CNGB3: variants seen among roughly 807,000 people sequenced by gnomAD.
The protein encoded by CNGB3 is cyclic nucleotide-gated channel beta-3.
Under a neutral mutation model 92.8 loss-of-function variants are expected in CNGB3, and 86 were observed. The observed-to-expected ratio is 0.93, with a 90% CI of 0.78 to 1.11. CNGB3 has a LOEUF of 1.11. CNGB3 is among the 50% of genes least tolerant of loss of function. The pLI is 0.00. For missense variants in CNGB3, 1,026 were observed against 956.8 expected (o/e 1.07, Z -0.95); for synonymous variants, 333 against 332.7 (o/e 1.00, Z -0.01).
intron 13 of CNGB3, among the ~76,000 whole-genome samples, chr8:86,623,906 G>A (rs1372294444): frequency 2.6e-5 from 4 of 151,710 alleles, no homozygotes; most frequent in African/African-American, 7.3e-5. Flanking sequence ...CCAATATTTC[G>A]CCACTTCTCA....
Position 86,579,127 on chromosome 8 carries a change from C to T in CNGB3, c.1907G>A (p.Arg636Lys). The T allele has an allele frequency of 6.2e-7, 1 of 1,614,120 alleles. No homozygotes were observed. The highest frequency in any genetic ancestry group is 2.2e-5 in the East Asian group (1 of 44,870). ...GTACCTGGCTTTCTTCATGAGGATC[C>T]TTTCAGAATCTGGATAATGCACTAG... ...EILVHYPDSE[R>K]ILMKKARVLL... The change falls in exon 16 of 18, where the codon AGG becomes AAG. Residue 636 changes from arginine to lysine, a missense_variant. Coordinates refer to ENST00000320005, the MANE Select transcript of CNGB3 (RefSeq NM_019098.5).
intron 3 of CNGB3, among the ~76,000 whole-genome samples, chr8:86,721,919 G>A (rs73274899): frequency 0.043 from 6,590 of 152,174 alleles, 189 homozygotes; most frequent in East Asian, 0.13. Context: ...ATAAGATTCT[G>A]AATTCTATTC....
At chr8:86,603,972 C>T (rs946867744) in intron 15 of CNGB3, 121 bp downstream of exon 15, 14 of 709,348 alleles carry the variant, frequency 2.0e-5, no homozygotes, top group Admixed American at 1.4e-4. Context: ...CCTTATTTTA[C>T]GAATGCTCTC....
chr8:86,722,821 T>C (rs1428327189), intron 3 of CNGB3, among the ~76,000 whole-genome samples: 1 of 152,108 alleles, frequency 6.6e-6, no homozygotes, highest in Non-Finnish European at 1.5e-5. Context: ...TTGCTGGCTT[T>C]TTGGACTGGA....
At chr8:86,671,214 G>A (rs1823856005) in intron 3 of CNGB3, 116 bp from the exon 4 acceptor site, 2 of 1,122,586 alleles carry the variant, frequency 1.8e-6, no homozygotes, top group Non-Finnish European at 2.7e-6. Flanking sequence ...CCCCTTTTTT[G>A]CAATTGAATA....
intron 6 of CNGB3, among the ~76,000 whole-genome samples, chr8:86,665,767 G>A (rs1343436226): frequency 1.3e-5 from 2 of 152,136 alleles, no homozygotes; most frequent in South Asian, 4.1e-4. Context: ...GGAGGAAGTG[G>A]GGGAGGGCAG....
At chr8:86,717,946 A>T (rs79224514) in intron 3 of CNGB3, among the ~76,000 whole-genome samples, 1 of 152,204 alleles carries the variant, frequency 6.6e-6, no homozygotes, top group Non-Finnish European at 1.5e-5. Flanking sequence ...GATGAAAATT[A>T]AAAAATTCTT....
chr8:86,637,438 T>A (rs929190507), intron 10 of CNGB3, among the ~76,000 whole-genome samples: 3 of 152,104 alleles, frequency 2.0e-5, no homozygotes, highest in Non-Finnish European at 4.4e-5. Flanking sequence ...CTTTAGCTAT[T>A]CGGGGTCTTT....
intron 3 of CNGB3, among the ~76,000 whole-genome samples, chr8:86,685,213 G>T (rs767933906): frequency 1.7e-4 from 26 of 151,924 alleles, no homozygotes; most frequent in Non-Finnish European, 2.6e-4. Flanking sequence ...CATAAAAAAG[G>T]CCTCACTAAC....
intron 15 of CNGB3, among the ~76,000 whole-genome samples, chr8:86,585,222 A>G (rs1402326680): frequency 6.6e-6 from 1 of 152,210 alleles, no homozygotes; most frequent in Non-Finnish European, 1.5e-5. Flanking sequence ...GTGAGGAACA[A>G]GTATACACAC....
At chr8:86,611,542 C>G in intron 14 of CNGB3, 46 bp downstream of exon 14, 2 of 1,460,232 alleles carry the variant, frequency 1.4e-6, no homozygotes. Context: ...CCGAAATCCT[C>G]AAATGCATTT....
chr8:86,595,687 T>A (rs1184039305), intron 15 of CNGB3, among the ~76,000 whole-genome samples: 1 of 152,186 alleles, frequency 6.6e-6, no homozygotes, highest in Non-Finnish European at 1.5e-5. Flanking sequence ...ATTTCTACTT[T>A]TTAGGAAAGA....
intron 13 of CNGB3, among the ~76,000 whole-genome samples, chr8:86,619,418 G>A (rs1399603765): frequency 2.6e-5 from 4 of 152,100 alleles, no homozygotes; most frequent in African/African-American, 9.7e-5. Context: ...GCAAGGAAGA[G>A]GAATCATTTT....
chr8:86,621,166 C>A (rs1453074786), intron 13 of CNGB3, among the ~76,000 whole-genome samples: 1 of 152,172 alleles, frequency 6.6e-6, no homozygotes, highest in Non-Finnish European at 1.5e-5. Flanking sequence ...TCATTGGTAT[C>A]TAATTTAAAG....
At chr8:86,699,438 A>G (rs1201827767) in intron 3 of CNGB3, among the ~76,000 whole-genome samples, 5 of 152,070 alleles carry the variant, frequency 3.3e-5, no homozygotes, top group African/African-American at 9.7e-5. Context: ...GGAGTTTGAG[A>G]CCAGCCTGGG....
intron 15 of CNGB3, among the ~76,000 whole-genome samples, chr8:86,591,086 C>T (rs1008798675): frequency 6.6e-6 from 1 of 151,952 alleles, no homozygotes; most frequent in Admixed American, 6.6e-5. Flanking sequence ...TCATTTCATT[C>T]ATTTCATCTT....
intron 15 of CNGB3, among the ~76,000 whole-genome samples, chr8:86,591,663 G>A (rs1334222911): frequency 6.6e-6 from 1 of 152,352 alleles, no homozygotes; most frequent in Admixed American, 6.5e-5. Flanking sequence ...GGGGTCAGGG[G>A]TGAGGGACCC....
chr8:86,612,317 T>A (rs1284992017), intron 13 of CNGB3, among the ~76,000 whole-genome samples: 1 of 152,132 alleles, frequency 6.6e-6, no homozygotes, highest in African/African-American at 2.4e-5. Flanking sequence ...AATAACTATA[T>A]CTATATGAGC....
rs1554619303 is a variant in CNGB3, at chr8:86,739,737, C to A, written c.130-1G>T. 1 of 1,611,098 alleles carries A rather than the reference C, an allele frequency of 6.2e-7. No homozygotes were observed. The highest frequency in any genetic ancestry group is 8.5e-7 in the Non-Finnish European group (1 of 1,179,444). Reference sequence around the variant, plus strand: ...ATTTCTCTTCACCTTTGTTTTCTTCCTTTGAGAAAAAACATAGAGATTGTA... The same window carrying A: ...ATTTCTCTTCACCTTTGTTTTCTTCATTTGAGAAAAAACATAGAGATTGTA... On this transcript the variant is annotated splice_acceptor_variant, in intron 1 of 17. Coordinates refer to ENST00000320005, the MANE Select transcript of CNGB3 (RefSeq NM_019098.5). LOFTEE classifies it high-confidence loss of function.
Sources: allele counts gnomAD v4.1 joint callset (sites outside exome capture counted in the v4.1 genomes callset), GRCh38; gene constraint gnomAD v4.1.1; transcripts MANE v1.5; gene names NCBI Gene and HGNC (gene_info 2026-07-23, HGNC 2026-07-21).